DSCAML1: variants seen among roughly 807,000 people sequenced by gnomAD.
DSCAML1 encodes the protein cell adhesion molecule DSCAML1.
Under a neutral mutation model 200.5 loss-of-function variants are expected in DSCAML1, and 38 were observed. The ratio of observed to expected loss-of-function variants is 0.19; its 90% CI spans 0.15 to 0.25. The LOEUF is 0.25. DSCAML1 is among the 10% of genes least tolerant of loss of function. The pLI is 1.00. For missense variants in DSCAML1, 2,223 were observed against 2,858.8 expected (o/e 0.78, Z 5.07); for synonymous variants, 1,215 against 1,165.0 (o/e 1.04, Z -0.87).
At chr11:117,617,136 G>C (rs753343650) in intron 3 of DSCAML1, among the ~76,000 whole-genome samples, 1 of 152,176 alleles carries the variant, frequency 6.6e-6, no homozygotes, top group Non-Finnish European at 1.5e-5. Context: ...AGAAGATGGG[G>C]GCCCAGAGAG....
rs1210902728 is a variant in DSCAML1, at chr11:117,437,683, AC to A, written c.4432+211del. On this transcript the variant is annotated intron_variant, in intron 25 of 32. Coordinates refer to ENST00000651296, the MANE Select transcript of DSCAML1 (RefSeq NM_020693.4). The surrounding 1 kb of genome is among the most constrained non-coding windows in gnomAD (Gnocchi z 5.3). ...AGGCAAAGGAATGCCACCTTCGGCC[AC>A]CCGGTGGGGAAGTGGAACTAGTTTT... is the stretch of plus-strand genomic sequence containing the variant. Among the ~76,000 whole-genome samples the A allele has an allele frequency of 2.0e-5, 3 of 152,116 alleles. No individual in the cohort carries two copies. The highest frequency in any genetic ancestry group is 2.9e-5 in the Non-Finnish European group (2 of 67,986).
chr11:117,455,636 C>A (rs1374805933), intron 19 of DSCAML1, among the ~76,000 whole-genome samples: 1 of 152,156 alleles, frequency 6.6e-6, no homozygotes. Flanking sequence ...ATTTATTTTG[C>A]TTTTTTCTAA....
At chr11:117,756,932 G>T (rs968725219) in intron 3 of DSCAML1, among the ~76,000 whole-genome samples, 1 of 152,182 alleles carries the variant, frequency 6.6e-6, no homozygotes, top group African/African-American at 2.4e-5. Context: ...TGTAGAATTG[G>T]GGTTGCTTTG....
chr11:117,481,907 G>A lies in DSCAML1; in HGVS notation c.2559+56C>T, dbSNP rs11216418. On this transcript the variant is annotated intron_variant, in intron 12 of 32. Coordinates refer to ENST00000651296, the MANE Select transcript of DSCAML1 (RefSeq NM_020693.4). Reference sequence around the variant, plus strand: ...TCCTGGATGCAGATGTGATAGCTGCGGGCTCCCCACTCTCTGAGAGTTGGG... The same window carrying A: ...TCCTGGATGCAGATGTGATAGCTGCAGGCTCCCCACTCTCTGAGAGTTGGG... The A allele has an allele frequency of 4.7e-4, 745 of 1,601,436 alleles. 3 individuals carry two copies. In the African/African-American group the frequency reaches 8.3e-3, roughly 18 times the overall value.
intron 1 of DSCAML1, among the ~76,000 whole-genome samples, chr11:117,794,564 C>T (rs1277532976): frequency 6.6e-6 from 1 of 152,092 alleles, no homozygotes; most frequent in African/African-American, 2.4e-5. Context: ...CTCTCCCTGC[C>T]TCCTCCCGCT....
intron 1 of DSCAML1, among the ~76,000 whole-genome samples, chr11:117,809,945 A>ACACACATTCACACACT (rs1011206601): frequency 6.4e-4 from 85 of 132,278 alleles, no homozygotes; most frequent in Admixed American, 5.8e-3. Context: ...ATATTCACAT[A>ACACACATTCACACACT]CACACATTCA....
chr11:117,729,342 C>A (rs1040941749), intron 3 of DSCAML1, among the ~76,000 whole-genome samples: 1 of 152,120 alleles, frequency 6.6e-6, no homozygotes, highest in Admixed American at 6.5e-5. Flanking sequence ...AGGGATAAAT[C>A]TTCATGCCCT....
intron 4 of DSCAML1, among the ~76,000 whole-genome samples, chr11:117,525,693 C>A (rs1324961656): frequency 6.6e-6 from 1 of 152,106 alleles, no homozygotes; most frequent in Admixed American, 6.5e-5. Context: ...CTCCTGACCT[C>A]GGGTGATCCG....
At chr11:117,678,914 CAG>C (rs1464253998) in intron 3 of DSCAML1, among the ~76,000 whole-genome samples, 2 of 152,234 alleles carry the variant, frequency 1.3e-5, no homozygotes, top group African/African-American at 2.4e-5. Context: ...TTCAATACTA[CAG>C]AGTGAGAGAG....
intron 3 of DSCAML1, among the ~76,000 whole-genome samples, chr11:117,758,840 T>C (rs1239294527): frequency 6.6e-6 from 1 of 152,152 alleles, no homozygotes; most frequent in Non-Finnish European, 1.5e-5. Context: ...GAGCAGCATG[T>C]GAGCGTCCCC....
chr11:117,618,768 A>C (rs1446403689), intron 3 of DSCAML1, among the ~76,000 whole-genome samples: 1 of 152,158 alleles, frequency 6.6e-6, no homozygotes, highest in African/African-American at 2.4e-5. Context: ...TCAGTGGGCC[A>C]AGGAGAGCAC....
intron 1 of DSCAML1, among the ~76,000 whole-genome samples, chr11:117,803,461 G>A (rs1591524355): frequency 6.6e-6 from 1 of 151,770 alleles, no homozygotes; most frequent in East Asian, 1.9e-4. Flanking sequence ...TTCAAGATTT[G>A]TAACTTGTTG....
rs2051332203 is a variant in DSCAML1, at chr11:117,594,929, A to ATGCC, written c.512-62408_512-62407insGGCA. ...GGTGGGATTTTCATTCCTCATTGTT[A>ATGCC]CCTCTGTCAAGAAGGGACTCCTCAA... On this transcript the variant is annotated intron_variant, in intron 3 of 32. Coordinates refer to ENST00000651296, the MANE Select transcript of DSCAML1 (RefSeq NM_020693.4). 1.1e-4 allele frequency among the ~76,000 whole-genome samples: 16 copies of ATGCC among 151,828 alleles called. No individual in the cohort carries two copies. The South Asian group carries it at 2.9e-3, about 28-fold the overall frequency.
intron 3 of DSCAML1, among the ~76,000 whole-genome samples, chr11:117,735,226 A>G (rs1438816112): frequency 2.6e-5 from 4 of 152,192 alleles, no homozygotes; most frequent in Non-Finnish European, 5.9e-5. Flanking sequence ...GGAAGGAAAG[A>G]AGACAGGAAG....
Position 117,431,538 on chromosome 11 carries a change from G to A in DSCAML1, c.5370C>T (p.Asp1790=). ...CCAGCAGGGCCTTAGGCACACCTGT[G>A]TCCTGGGACAGGCTGGCACTGTAGC... The part of the protein sequence containing the change: ...SDSYSASLSQ[D]TDKGRNSMVS... The change falls in exon 31 of 33, where the codon GAC becomes GAT. Residue 1790 remains aspartate (D), a synonymous_variant. Coordinates refer to ENST00000651296, the MANE Select transcript of DSCAML1 (RefSeq NM_020693.4). 4 of 1,575,556 alleles carry A rather than the reference G, an allele frequency of 2.5e-6. No homozygotes were observed. The highest frequency in any genetic ancestry group is 3.5e-6 in the Non-Finnish European group (4 of 1,158,446).
chr11:117,635,670 A>C (rs1313755798), intron 3 of DSCAML1, among the ~76,000 whole-genome samples: 11 of 151,978 alleles, frequency 7.2e-5, no homozygotes, highest in Admixed American at 7.2e-4. Context: ...GAAAAGAGAA[A>C]GGGCAAAGGA....
At chr11:117,530,532 T>C (rs1238939145) in intron 4 of DSCAML1, among the ~76,000 whole-genome samples, 1 of 152,016 alleles carries the variant, frequency 6.6e-6, no homozygotes, top group Non-Finnish European at 1.5e-5. Context: ...GACAGCACGG[T>C]TTCCCTCGGC....
intron 1 of DSCAML1, among the ~76,000 whole-genome samples, chr11:117,811,964 G>T (rs907595090): frequency 2.0e-5 from 3 of 152,006 alleles, no homozygotes; most frequent in Non-Finnish European, 4.4e-5. Context: ...CCCCAACTCT[G>T]GTGCCAACTT....
intron 3 of DSCAML1, among the ~76,000 whole-genome samples, chr11:117,702,699 C>A (rs2053691871): frequency 6.6e-6 from 1 of 152,128 alleles, no homozygotes; most frequent in Non-Finnish European, 1.5e-5. Context: ...AATGGTATAA[C>A]AATCAAGGTT....
Sources: allele counts gnomAD v4.1 joint callset (sites outside exome capture counted in the v4.1 genomes callset), GRCh38; gene constraint gnomAD v4.1.1; non-coding constraint Gnocchi (gnomAD v3.1); transcripts MANE v1.5; gene names NCBI Gene and HGNC (gene_info 2026-07-23, HGNC 2026-07-21).